SFMBT1: variants seen among roughly 807,000 people sequenced by gnomAD.
The protein encoded by SFMBT1 is scm-like with four MBT domains protein 1.
Under a neutral mutation model 108.7 loss-of-function variants are expected in SFMBT1, and 32 were observed. That is an observed-to-expected ratio of 0.29 (90% CI 0.22 to 0.40). The LOEUF (loss-of-function observed/expected upper bound fraction) is 0.40, where lower values mean the gene tolerates loss of function less well. Ranked by LOEUF, SFMBT1 falls within the 10% of genes least tolerant of loss-of-function variation. The pLI is 1.00. For synonymous variants in SFMBT1, 348 were observed against 369.5 expected, an observed-to-expected ratio of 0.94 and a Z score of 0.67; for missense variants, 816 against 1,059.6, an observed-to-expected ratio of 0.77 and a Z score of 3.19.
chr3:53,035,954 G>A (rs1196169621), intron 1 of SFMBT1, among the ~76,000 whole-genome samples: 6 of 152,182 alleles, frequency 3.9e-5, no homozygotes, highest in Non-Finnish European at 5.9e-5. Context: ...AGCATTTGAT[G>A]AAGCTCTTTT....
chr3:53,019,645 G>A (rs1441387973), intron 1 of SFMBT1, among the ~76,000 whole-genome samples: 1 of 152,074 alleles, frequency 6.6e-6, no homozygotes, highest in African/African-American at 2.4e-5. Flanking sequence ...TAGCCACCAT[G>A]AATTTTGAAA....
chr3:53,039,646 C>T (rs1699971690), intron 1 of SFMBT1, among the ~76,000 whole-genome samples: 1 of 152,078 alleles, frequency 6.6e-6, no homozygotes, highest in Non-Finnish European at 1.5e-5. Context: ...CTTACCACAA[C>T]CATACGTTTA....
At chr3:53,027,270 C>G (rs772338782) in intron 1 of SFMBT1, among the ~76,000 whole-genome samples, 1 of 152,168 alleles carries the variant, frequency 6.6e-6, no homozygotes, top group Non-Finnish European at 1.5e-5. Context: ...AAACAAAACT[C>G]TACAAATGTT....
chr3:53,021,679 C>T (rs61297461), intron 1 of SFMBT1, among the ~76,000 whole-genome samples: 7,401 of 152,064 alleles, frequency 0.049, 621 homozygotes, highest in African/African-American at 0.17. Context: ...AGCAGGAGTC[C>T]CCTTTCACCT....
chr3:53,031,754 A>G (rs1699695030), intron 1 of SFMBT1, among the ~76,000 whole-genome samples: 1 of 152,228 alleles, frequency 6.6e-6, no homozygotes, highest in Non-Finnish European at 1.5e-5. Flanking sequence ...CTACCTTCAG[A>G]GCTTACAATA....
At chr3:52,959,058 T>A (rs540633187) in intron 2 of SFMBT1, among the ~76,000 whole-genome samples, 1 of 149,726 alleles carries the variant, frequency 6.7e-6, no homozygotes, top group East Asian at 2.0e-4. Flanking sequence ...TTCTCACTTA[T>A]AAGTGGGAGC....
In SFMBT1 at chr3:52,907,678, A is replaced by G; in HGVS notation, c.1962T>C (p.His654=). The G allele has an allele frequency of 6.2e-7, 1 of 1,614,104 alleles. No homozygotes were observed. The highest frequency in any genetic ancestry group is 8.5e-7 in the Non-Finnish European group (1 of 1,179,998). Residue 654 remains histidine, a synonymous_variant, in exon 18 of 21, where the codon CAT becomes CAC. Coordinates refer to ENST00000394752, the MANE Select transcript of SFMBT1 (RefSeq NM_016329.4). ...NKRIGRPPGG[H]SNLACALKKA... ...TTTTCAGGGCACAAGCTAAGTTACT[A>G]TGCCCACCAGGTGGCCTCCCAATTC...
At chr3:52,963,264 G>A (rs959274386) in intron 2 of SFMBT1, among the ~76,000 whole-genome samples, 2 of 151,754 alleles carry the variant, frequency 1.3e-5, no homozygotes, top group Non-Finnish European at 2.9e-5. Context: ...CAAAGTGCTG[G>A]GATTACAGGC....
rs141544187 is a variant in SFMBT1, at chr3:52,911,054, C to T, written c.1855G>A (p.Val619Ile). 7.6e-5 allele frequency: 122 copies of T among 1,614,080 alleles called. No individual in the cohort carries two copies. Among genetic ancestry groups the T allele is most frequent in the Non-Finnish European group, 9.9e-5 (117 of 1,180,040 alleles). Residue 619 changes from valine to isoleucine, a missense_variant, in exon 17 of 21, where the codon GTT (valine) becomes ATT (isoleucine). Val to Ile is a conservative substitution (Grantham distance 29, BLOSUM62 3). Coordinates refer to ENST00000394752, the MANE Select transcript of SFMBT1 (RefSeq NM_016329.4). ...CAGTTCTCAGAACACTTATCCAGAA[C>T]CATCCGTGGACCGAAGAGGTTAGGA... ...CCPNLFGPRM[V>I]LDKCSENCSV...
intron 19 of SFMBT1, 95 bp from the exon 20 acceptor site, chr3:52,906,336 G>A (rs1702065326): frequency 6.3e-7 from 1 of 1,581,348 alleles, no homozygotes; most frequent in African/African-American, 1.3e-5. Context: ...TTCAAGACAT[G>A]ATTTAAAGTG....
chr3:52,960,050 A>G (rs545587656), intron 2 of SFMBT1, among the ~76,000 whole-genome samples: 1 of 152,140 alleles, frequency 6.6e-6, no homozygotes, highest in South Asian at 2.1e-4. Flanking sequence ...TAAGTAGAAT[A>G]GATAAGTTAT....
At chr3:53,016,252 T>C (rs1699120640) in intron 1 of SFMBT1, among the ~76,000 whole-genome samples, 1 of 152,170 alleles carries the variant, frequency 6.6e-6, no homozygotes, top group South Asian at 2.1e-4. Flanking sequence ...CAGACACTAC[T>C]ACACTCTCTG....
chr3:52,943,268 G>A, intron 4 of SFMBT1, 85 bp downstream of exon 4: 1 of 1,552,198 alleles, frequency 6.4e-7, no homozygotes, highest in Non-Finnish European at 8.8e-7. Context: ...ATATGCTCGA[G>A]AGACTTAAAA....
intron 1 of SFMBT1, among the ~76,000 whole-genome samples, chr3:53,033,040 G>A (rs1164215178): frequency 1.3e-5 from 2 of 152,196 alleles, no homozygotes; most frequent in Non-Finnish European, 2.9e-5. Context: ...AGGTGCAAGA[G>A]CTCATGCCTA....
intron 1 of SFMBT1, among the ~76,000 whole-genome samples, chr3:52,973,862 G>A (rs1013339523): frequency 3.9e-5 from 6 of 151,942 alleles, no homozygotes; most frequent in Non-Finnish European, 7.4e-5. Context: ...CAAGTGATCC[G>A]CCTGCCTCAG....
intron 1 of SFMBT1, among the ~76,000 whole-genome samples, chr3:52,978,560 T>C (rs940330878): frequency 1.3e-5 from 2 of 152,198 alleles, no homozygotes; most frequent in African/African-American, 4.8e-5. Flanking sequence ...AGTCTGGCAG[T>C]TCCTCAGTGT....
chr3:53,024,832 A>G (rs1699434180), intron 1 of SFMBT1, among the ~76,000 whole-genome samples: 1 of 152,238 alleles, frequency 6.6e-6, no homozygotes, highest in African/African-American at 2.4e-5. Context: ...CGAATATTAT[A>G]GAATTATTTA....
chr3:53,022,531 A>C (rs940252901), intron 1 of SFMBT1, among the ~76,000 whole-genome samples: 3 of 152,056 alleles, frequency 2.0e-5, no homozygotes, highest in Admixed American at 6.6e-5. Context: ...AACCAGAATG[A>C]AGAAGCAAAA....
At chr3:52,967,775 G>A (rs1575409024) in intron 2 of SFMBT1, among the ~76,000 whole-genome samples, 1 of 152,292 alleles carries the variant, frequency 6.6e-6, no homozygotes. Flanking sequence ...AGGATGAGCT[G>A]TCACTACCCA....
Sources: allele counts gnomAD v4.1 joint callset (sites outside exome capture counted in the v4.1 genomes callset), GRCh38; gene constraint gnomAD v4.1.1; transcripts MANE v1.5; gene names NCBI Gene and HGNC (gene_info 2026-07-23, HGNC 2026-07-21).